Variants in DAPK2 observed in about 807,000 individuals in gnomAD.
The protein encoded by DAPK2 is death-associated protein kinase 2.
DAPK2 carries 35 observed loss-of-function variants against 44.1 expected under a neutral mutation model. That is an observed-to-expected ratio of 0.79 (90% CI 0.61 to 1.05). DAPK2 has a LOEUF of 1.05. Among genes scored for constraint, DAPK2 ranks in the 50% least tolerant of loss-of-function variants. DAPK2 has a pLI of 0.00. For missense variants in DAPK2, 453 were observed against 483.2 expected (o/e 0.94, Z 0.59); for synonymous variants, 174 against 182.6 (o/e 0.95, Z 0.38).
At position 63,966,680 on chromosome 15, in the gene DAPK2, G is replaced by A. The variant is rs1247383425; in HGVS notation, c.453+4743C>T. Among the ~76,000 whole-genome samples the A allele has an allele frequency of 6.6e-6, 1 of 152,162 alleles. No individual in the cohort carries two copies. Among genetic ancestry groups the A allele is most frequent in the Non-Finnish European group, 1.5e-5 (1 of 68,034 alleles). On this transcript the variant is annotated intron_variant, in intron 3 of 10. Transcript: ENST00000261891. This position sits in a 1 kb window ranked among gnomAD's most constrained non-coding sequence, Gnocchi z 5.5. ...CTTCCATGGGTTCCAGCGGGGTTCT[G>A]CCTGGTATTGCTTTCTGCTGTGACA...
At chr15:63,934,514 C>A (rs888069306) in intron 4 of DAPK2, among the ~76,000 whole-genome samples, 22 of 152,156 alleles carry the variant, frequency 1.4e-4, no homozygotes, top group African/African-American at 5.3e-4. Context: ...ACCTTGGCCT[C>A]CCAAAGTGCT....
chr15:63,922,678 G>A (rs923013843), intron 8 of DAPK2: 2 of 1,463,376 alleles, frequency 1.4e-6, no homozygotes, highest in Middle Eastern at 2.2e-4. Context: ...CAGCAGGGTG[G>A]ATGAGAACAT....
intron 4 of DAPK2, among the ~76,000 whole-genome samples, chr15:63,936,332 G>A (rs923825207): frequency 2.6e-5 from 4 of 152,086 alleles, no homozygotes; most frequent in African/African-American, 9.7e-5. Context: ...GCCAGGAGCG[G>A]TGGCTCGCTG....
At chr15:63,937,409 A>T (rs575047551) in intron 4 of DAPK2, among the ~76,000 whole-genome samples, 1 of 152,326 alleles carries the variant, frequency 6.6e-6, no homozygotes, top group East Asian at 1.9e-4. Context: ...TCTCCATTGT[A>T]TAGCCTCATC....
intron 1 of DAPK2, among the ~76,000 whole-genome samples, chr15:64,024,021 G>A (rs1037247685): frequency 2.6e-5 from 4 of 152,180 alleles, no homozygotes; most frequent in East Asian, 1.9e-4. Context: ...TACCTTGCGC[G>A]GTTAAGTAAA....
chr15:63,918,646 C>A (rs1018591899), intron 8 of DAPK2: 1 of 152,332 alleles, frequency 6.6e-6, no homozygotes, highest in Admixed American at 6.5e-5. Flanking sequence ...GAGTTCGAGA[C>A]CAGCCTGACC....
intron 1 of DAPK2, among the ~76,000 whole-genome samples, chr15:64,006,982 T>C (rs557275028): frequency 6.6e-6 from 1 of 152,276 alleles, no homozygotes; most frequent in African/African-American, 2.4e-5. Flanking sequence ...CGGAAAAACC[T>C]GCATGGGCTG....
At chr15:64,016,408 G>T (rs2141050086) in intron 1 of DAPK2, among the ~76,000 whole-genome samples, 1 of 152,306 alleles carries the variant, frequency 6.6e-6, no homozygotes, top group South Asian at 2.1e-4. Context: ...GGGTGACTTG[G>T]GATATGAGTG....
At position 64,013,950 on chromosome 15, in the gene DAPK2, G is replaced by C. The variant is rs2079454020; in HGVS notation, c.92+26220C>G. Among the ~76,000 whole-genome samples the C allele has an allele frequency of 6.6e-6, 1 of 152,192 alleles. No individual in the cohort carries two copies. The highest frequency in any genetic ancestry group is 2.4e-5 in the African/African-American group (1 of 41,434). The stretch of plus-strand genomic sequence containing the variant: ...CCCCAACCTTCTCTGGGTGTGGCTG[G>C]CAGCTGTGCCAGAAAGAAACACCTT... On this transcript the variant is annotated intron_variant, in intron 1 of 10. Transcript: ENST00000261891. The surrounding 1 kb of genome is among the most constrained non-coding windows in gnomAD (Gnocchi z 4.7).
At chr15:64,033,003 T>C (rs1699393959) in intron 1 of DAPK2, among the ~76,000 whole-genome samples, 1 of 152,142 alleles carries the variant, frequency 6.6e-6, no homozygotes, top group African/African-American at 2.4e-5. Flanking sequence ...CGAGAATTGC[T>C]TGAACCCAGG....
chr15:64,011,932 T>C (rs1221620124), intron 1 of DAPK2, among the ~76,000 whole-genome samples: 1 of 152,110 alleles, frequency 6.6e-6, no homozygotes, highest in African/African-American at 2.4e-5. Flanking sequence ...AAACCCCTCT[T>C]CTTGGGCCCT....
rs1339752079 is a variant in DAPK2, at chr15:63,946,163, C to T, written c.454-6802G>A. 3.9e-5 allele frequency among the ~76,000 whole-genome samples: 6 copies of T among 152,358 alleles called. No homozygotes were observed. In the East Asian group the frequency reaches 7.7e-4, roughly 20 times the overall value. ...CAAAACAAACCCACCCAGCTCATCC[C>T]GCCAGGGAGGCACCCATGGGAGAGG... On this transcript the variant is annotated intron_variant, in intron 3 of 10. Transcript: ENST00000261891.
intron 8 of DAPK2, among the ~76,000 whole-genome samples, chr15:63,913,635 C>T (rs73450767): frequency 0.021 from 3,155 of 152,290 alleles, 106 homozygotes; most frequent in African/African-American, 0.072. Flanking sequence ...CACACCTCCA[C>T]GCTTGATTTT....
At chr15:63,921,368 T>C (rs2079067249) in intron 8 of DAPK2, 2 of 152,300 alleles carry the variant, frequency 1.3e-5, no homozygotes, top group South Asian at 2.1e-4. Flanking sequence ...CCTCTCCCTG[T>C]TTCCTCAGCT....
chr15:63,963,803 T>C (rs1216293574), intron 3 of DAPK2, among the ~76,000 whole-genome samples: 1 of 152,218 alleles, frequency 6.6e-6, no homozygotes, highest in Non-Finnish European at 1.5e-5. Context: ...ACAATGCTGA[T>C]TGCATGAACA....
At chr15:64,019,278 GA>G (rs1335221431) in intron 1 of DAPK2, among the ~76,000 whole-genome samples, 2 of 152,182 alleles carry the variant, frequency 1.3e-5, no homozygotes, top group African/African-American at 4.8e-5. Flanking sequence ...TGTTTACACA[GA>G]AAAAAATTCT....
At chr15:64,015,981 C>T (rs889169168) in intron 1 of DAPK2, among the ~76,000 whole-genome samples, 1 of 152,176 alleles carries the variant, frequency 6.6e-6, no homozygotes, top group African/African-American at 2.4e-5. Flanking sequence ...TATGGAGGCC[C>T]CAGCAAACTA....
chr15:64,042,511 T>C (rs143256369), upstream of DAPK2, among the ~76,000 whole-genome samples: 174 of 152,272 alleles, frequency 1.1e-3, 2 homozygotes, highest in Admixed American at 7.1e-3. This position sits in a 1 kb window ranked among gnomAD's most constrained non-coding sequence, Gnocchi z 4.7. Flanking sequence ...TCCCATTTGG[T>C]GAGAGGCCAG....
intron 7 of DAPK2, 148 bp from the exon 9 acceptor site, chr15:63,925,009 G>T (rs2079199599): frequency 2.4e-6 from 2 of 824,322 alleles, no homozygotes; most frequent in Non-Finnish European, 3.9e-6. Flanking sequence ...GAGATGGATG[G>T]GAGCTGGCTG....
Sources: gnomAD v4.1 joint callset for allele counts (sites outside exome capture counted in the v4.1 genomes callset) on GRCh38, gnomAD v4.1.1 for gene constraint, Gnocchi (gnomAD v3.1) non-coding constraint, MANE v1.5 for transcripts, NCBI Gene and HGNC (gene_info 2026-07-23, HGNC 2026-07-21) for gene names.